Variants in CKM observed in about 807,000 individuals in gnomAD.
CKM encodes creatine kinase, M-type, also known as creatine kinase M-type.
CKM carries 28 observed loss-of-function variants against 35.4 expected under a neutral mutation model. That is an observed-to-expected ratio of 0.79 (90% CI 0.59 to 1.08). The LOEUF is 1.08. CKM is among the 50% of genes least tolerant of loss of function. CKM has a pLI of 0.00. For missense variants in CKM, 484 were observed against 509.8 expected (o/e 0.95, Z 0.49); for synonymous variants, 215 against 204.4 (o/e 1.05, Z -0.44).
rs777430864 is a variant in CKM at position 45,317,891 on chromosome 19, C to T, written c.282G>A (p.Ser94=). 1.7e-5 allele frequency: 28 copies of T among 1,613,826 alleles called. No homozygotes were observed. Among genetic ancestry groups the T allele is most frequent in the Admixed American group, 3.3e-5 (2 of 59,944 alleles). ...VFKELFDPII[S]DRHGGYKPTD... ...TGGGTTTGTAGCCCCCGTGGCGATC[C>T]GAGATGATGGGGTCAAAGAGTTCCT... is the stretch of plus-strand genomic sequence containing the variant. Residue 94 remains serine (S), a synonymous_variant, in exon 3 of 8, where the codon TCG becomes TCA. Transcript: ENST00000221476.
intron 1 of CKM, among the ~76,000 whole-genome samples, chr19:45,321,069 T>G (rs1354344983): frequency 6.6e-6 from 1 of 151,590 alleles, no homozygotes; most frequent in Non-Finnish European, 1.5e-5. Flanking sequence ...GGCTATTTTT[T>G]TTTTTGGTAT....
intron 2 of CKM, 98 bp from the exon 3 acceptor site, chr19:45,318,077 TG>T: frequency 1.0e-6 from 1 of 988,616 alleles, no homozygotes; most frequent in South Asian, 1.4e-5. Context: ...TGTGTCGGGA[TG>T]GGGGCGGGTA....
chr19:45,319,506 A>C lies in CKM; in HGVS notation c.193+15T>G, dbSNP rs1971191680. 6.2e-7 allele frequency: 1 copy of C among 1,609,572 alleles called. No individual in the cohort carries two copies. Among genetic ancestry groups the C allele is most frequent in the Non-Finnish European group, 8.5e-7 (1 of 1,176,836 alleles). On this transcript the variant is annotated intron_variant, in intron 2 of 7. Transcript: ENST00000221476. ...CCCCATGTAGCCCCTTCAGTGCTCC[A>C]CTGGGGAGGCTCACCTGGGTTGTCC...
At chr19:45,312,827 G>A (rs924567983) in intron 4 of CKM, among the ~76,000 whole-genome samples, 39 of 151,544 alleles carry the variant, frequency 2.6e-4, no homozygotes, top group African/African-American at 9.4e-4. Flanking sequence ...GGTGGCACAC[G>A]CCTGTAATCC....
chr19:45,314,735 A>G (rs1259256933), intron 4 of CKM, among the ~76,000 whole-genome samples: 1 of 148,988 alleles, frequency 6.7e-6, no homozygotes, highest in African/African-American at 2.5e-5. Context: ...TTTTTGAGGC[A>G]GGTTCTCACT....
Position 45,309,319 on chromosome 19 carries a change from C to T in CKM, c.654-787G>A, listed in dbSNP as rs1196354788. On this transcript the variant is annotated intron_variant, in intron 5 of 7. Coordinates refer to ENST00000221476, the MANE Select transcript of CKM (RefSeq NM_001824.5). ...CCTGTAATCCCAGCACTTTGGGAGG[C>T]CAAGGCCGGAGGATTGCTTGAGCCC... Among the ~76,000 whole-genome samples the T allele has an allele frequency of 3.3e-5, 5 of 151,764 alleles. No individual in the cohort carries two copies. In the East Asian group the frequency reaches 9.7e-4, roughly 29 times the overall value.
Position 45,308,458 on chromosome 19 carries a change from C to G in CKM, c.728G>C (p.Gly243Ala), listed in dbSNP as rs17875625. The change falls in exon 6 of 8, where the codon GGG (glycine) becomes GCG (alanine). Residue 243 changes from glycine (G) to alanine (A), a missense_variant. Transcript: ENST00000221476. ...DHLRVISMEK[G>A]GNMKEVFRRF... ...GCGGAAAACCTCCTTCATGTTGCCC[C>G]CCTTCTCCATGGAGATGACCCGGAG... The G allele has an allele frequency of 6.2e-6, 10 of 1,614,044 alleles. No individual in the cohort carries two copies. Among genetic ancestry groups the G allele is most frequent in the South Asian group, 5.5e-5 (5 of 91,084 alleles).
At chr19:45,312,025 GC>G (rs1599816492) in intron 4 of CKM, 105 bp from the exon 5 acceptor site, 2 of 1,331,742 alleles carry the variant, frequency 1.5e-6, no homozygotes, top group East Asian at 4.6e-5. Flanking sequence ...CTGGGCCTTG[GC>G]CCCCTGGATG....
At chr19:45,310,533 A>G (rs1320743488) in intron 5 of CKM, among the ~76,000 whole-genome samples, 2 of 152,186 alleles carry the variant, frequency 1.3e-5, no homozygotes, top group Non-Finnish European at 2.9e-5. Context: ...GGGGTAGAGA[A>G]AAATAAAATA....
In CKM at chr19:45,306,590, T is replaced by C; in HGVS notation, c.*160A>G. ...AATCCAGAGGATGGAGCCCATTGGTTGGAACTCTGGTTGAAACTGGAACTC... is the reference window on the plus strand; with the variant it reads ...AATCCAGAGGATGGAGCCCATTGGTCGGAACTCTGGTTGAAACTGGAACTC... On this transcript the variant is annotated 3_prime_UTR_variant, in exon 8 of 8. Transcript: ENST00000221476. The surrounding 1 kb of genome is among the most constrained non-coding windows in gnomAD (Gnocchi z 4.5). 1.4e-6 allele frequency: 1 copy of C among 723,904 alleles called. No individual in the cohort carries two copies. The highest frequency in any genetic ancestry group is 1.6e-5 in the South Asian group (1 of 61,092). 44.8% of individuals were successfully genotyped at this position (723,904 alleles called of 1,614,324 possible). A position where few individuals can be genotyped will look rare whatever the true frequency, so the allele number is the denominator to read the frequency against.
intron 5 of CKM, among the ~76,000 whole-genome samples, chr19:45,311,450 T>C (rs536054146): frequency 5.3e-5 from 8 of 151,990 alleles, no homozygotes; most frequent in South Asian, 2.1e-4. Flanking sequence ...GGTCTCAAAC[T>C]CCTGACCTCA....
At position 45,311,778 on chromosome 19, in the gene CKM, G is replaced by T; in HGVS notation, c.624C>A (p.Ala208=). 1 of 1,601,214 alleles carries T rather than the reference G, an allele frequency of 6.2e-7. No homozygotes were observed. The highest frequency in any genetic ancestry group is 8.5e-7 in the Non-Finnish European group (1 of 1,174,142). ...VSPLLLASGM[A]RDWPDARGIW... ...TGCCACGGGCGTCGGGCCAGTCGCGGGCCATGCCTGAGGCCAGCAGCAGCG... is the reference window on the plus strand; with the variant it reads ...TGCCACGGGCGTCGGGCCAGTCGCGTGCCATGCCTGAGGCCAGCAGCAGCG... The change falls in exon 5 of 8, where the codon GCC becomes GCA. Residue 208 remains alanine (A), a synonymous_variant. Coordinates refer to ENST00000221476, the MANE Select transcript of CKM (RefSeq NM_001824.5).
At chr19:45,313,600 G>C (rs1971129803) in intron 4 of CKM, among the ~76,000 whole-genome samples, 1 of 152,102 alleles carries the variant, frequency 6.6e-6, no homozygotes, top group South Asian at 2.1e-4. Context: ...TAATCCTAGT[G>C]GTTTGGGAGG....
At chr19:45,312,011 G>A (rs555907636) in intron 4 of CKM, 91 bp from the exon 5 acceptor site, 3 of 1,457,628 alleles carry the variant, frequency 2.1e-6, no homozygotes, top group East Asian at 4.6e-5. Context: ...TGCTCCTAAC[G>A]GGCCTGGGCC....
At chr19:45,310,458 T>G (rs1327439687) in intron 5 of CKM, among the ~76,000 whole-genome samples, 1 of 152,088 alleles carries the variant, frequency 6.6e-6, no homozygotes, top group African/African-American at 2.4e-5. Flanking sequence ...ATTAACTCAT[T>G]TAATCCTCAC....
rs547260878 is a variant in CKM, at chr19:45,322,390, C to T, written c.-19+431G>A. Among the ~76,000 whole-genome samples the T allele has an allele frequency of 2.0e-5, 3 of 152,344 alleles. No homozygotes were observed. In the East Asian group the frequency reaches 5.8e-4, roughly 29 times the overall value. On this transcript the variant is annotated intron_variant, in intron 1 of 7. Transcript: ENST00000221476. ...AGAAACAAGGTCACAGGGACCCACA[C>T]AGTAGCAAACGCAAAGAAAGCCTGC...
At position 45,308,443 on chromosome 19, in the gene CKM, T is replaced by A. The variant is rs1220070267; in HGVS notation, c.743A>T (p.Glu248Val). ...ISMEKGGNMK[E>V]VFRRFCVGLQ... ...CCCTACGCAGAAGCGGCGGAAAACCTCCTTCATGTTGCCCCCCTTCTCCAT... is the reference window on the plus strand; with the variant it reads ...CCCTACGCAGAAGCGGCGGAAAACCACCTTCATGTTGCCCCCCTTCTCCAT... The change falls in exon 6 of 8, where the codon GAG (glutamate) becomes GTG (valine). Residue 248 changes from glutamate (E) to valine (V), a missense_variant. Transcript: ENST00000221476. 1.9e-6 allele frequency: 3 copies of A among 1,614,102 alleles called. No homozygotes were observed. In the South Asian group the frequency reaches 3.3e-5, roughly 18 times the overall value.
At chr19:45,312,032 G>A in intron 4 of CKM, 112 bp from the exon 5 acceptor site, 1 of 1,240,272 alleles carries the variant, frequency 8.1e-7, no homozygotes. Flanking sequence ...TTGGCCCCCT[G>A]GATGTCCTAA....
chr19:45,319,578 C>G lies in CKM; in HGVS notation c.136G>C (p.Glu46Gln). 6.2e-7 allele frequency: 1 copy of G among 1,614,118 alleles called. No individual in the cohort carries two copies. Among genetic ancestry groups the G allele is most frequent in the Non-Finnish European group, 8.5e-7 (1 of 1,180,018 alleles). ...TCTACAGTGAAGCCAGATGGAGTCT[C>G]CTTGTCCCGCAGCTTCTTGTAGAGT... ...LELYKKLRDK[E>Q]TPSGFTVDDV... The change falls in exon 2 of 8, where the codon GAG becomes CAG. Residue 46 changes from glutamate to glutamine, a missense_variant. Coordinates refer to ENST00000221476, the MANE Select transcript of CKM (RefSeq NM_001824.5).
Sources: gnomAD v4.1 joint callset for allele counts (sites outside exome capture counted in the v4.1 genomes callset) on GRCh38, gnomAD v4.1.1 for gene constraint, Gnocchi (gnomAD v3.1) non-coding constraint, MANE v1.5 for transcripts, NCBI Gene and HGNC (gene_info 2026-07-23, HGNC 2026-07-21) for gene names.